The following EPHA5 variants were observed in gnomAD, a reference collection of about 807,000 sequenced individuals.
EPHA5 encodes the protein EPH receptor A5.
A neutral mutation model predicts 105.0 loss-of-function variants in EPHA5; 60 were observed. The ratio of observed to expected loss-of-function variants is 0.57; its 90% CI spans 0.46 to 0.71. EPHA5 has a LOEUF of 0.71. EPHA5 is among the 30% of genes least tolerant of loss of function. The pLI, the probability that EPHA5 is intolerant of heterozygous loss-of-function variation, is 0.00. For synonymous variants in EPHA5, 513 were observed against 449.1 expected, an observed-to-expected ratio of 1.14 and a Z score of -1.80; for missense variants, 1,218 against 1,274.7, an observed-to-expected ratio of 0.96 and a Z score of 0.68.
At chr4:65,552,565 C>T (rs1374506281) in intron 3 of EPHA5, among the ~76,000 whole-genome samples, 1 of 152,074 alleles carries the variant, frequency 6.6e-6, no homozygotes, top group African/African-American at 2.4e-5. Flanking sequence ...GGTGAGATGT[C>T]TTAGGCAGTG....
intron 8 of EPHA5, among the ~76,000 whole-genome samples, chr4:65,373,001 G>A (rs1718640795): frequency 6.6e-6 from 1 of 151,836 alleles, no homozygotes; most frequent in Non-Finnish European, 1.5e-5. Context: ...GTAATTGACA[G>A]AATTTTGATA....
chr4:65,581,409 A>T (rs911560064), intron 3 of EPHA5, among the ~76,000 whole-genome samples: 2 of 151,748 alleles, frequency 1.3e-5, no homozygotes, highest in East Asian at 3.9e-4. Context: ...TTATTTTTAC[A>T]TATCCTACAA....
chr4:65,487,078 C>A (rs1357936430), intron 5 of EPHA5, among the ~76,000 whole-genome samples: 1 of 152,168 alleles, frequency 6.6e-6, no homozygotes, highest in Non-Finnish European at 1.5e-5. Context: ...CCTCCTGGGG[C>A]CTCACAAGAA....
chr4:65,347,706 A>C (rs543143218), intron 14 of EPHA5, among the ~76,000 whole-genome samples: 1 of 152,292 alleles, frequency 6.6e-6, no homozygotes, highest in South Asian at 2.1e-4. Flanking sequence ...TGCCTTTATC[A>C]AATGCAAATC....
intron 3 of EPHA5, among the ~76,000 whole-genome samples, chr4:65,520,697 A>T (rs1267007617): frequency 4.6e-5 from 7 of 152,112 alleles, no homozygotes; most frequent in African/African-American, 1.7e-4. Context: ...AAACAACCCC[A>T]TCAAAAATTG....
At chr4:65,556,512 G>A (rs1738456858) in intron 3 of EPHA5, among the ~76,000 whole-genome samples, 2 of 152,122 alleles carry the variant, frequency 1.3e-5, no homozygotes, top group Non-Finnish European at 2.9e-5. Context: ...AAAGCATTAA[G>A]TTACGTTTCT....
intron 3 of EPHA5, among the ~76,000 whole-genome samples, chr4:65,519,060 T>A (rs1344912689): frequency 6.6e-6 from 1 of 151,852 alleles, no homozygotes; most frequent in East Asian, 1.9e-4. Flanking sequence ...GATGCAAAAA[T>A]CCTCAATAAA....
intron 2 of EPHA5, among the ~76,000 whole-genome samples, chr4:65,628,397 A>C (rs1746337100): frequency 6.6e-6 from 1 of 152,152 alleles, no homozygotes; most frequent in Non-Finnish European, 1.5e-5. Flanking sequence ...TTAGTCAGAA[A>C]GAACTTTCAA....
At chr4:65,416,061 G>A (rs191292660) in intron 6 of EPHA5, among the ~76,000 whole-genome samples, 43 of 151,902 alleles carry the variant, frequency 2.8e-4, no homozygotes, top group African/African-American at 9.9e-4. Context: ...TTCCAGTCTG[G>A]CTATGATTGC....
chr4:65,463,188 G>C (rs1298717225), intron 5 of EPHA5, among the ~76,000 whole-genome samples: 1 of 152,090 alleles, frequency 6.6e-6, no homozygotes, highest in African/African-American at 2.4e-5. Flanking sequence ...CCTGTGTGAT[G>C]CAAGTTTGTT....
intron 5 of EPHA5, among the ~76,000 whole-genome samples, chr4:65,488,811 C>G (rs1253624057): frequency 6.6e-6 from 1 of 151,578 alleles, no homozygotes; most frequent in East Asian, 1.9e-4. Flanking sequence ...TTCACACAAT[C>G]TGGGCTAATT....
intron 3 of EPHA5, among the ~76,000 whole-genome samples, chr4:65,554,101 T>C (rs1578408959): frequency 6.6e-6 from 1 of 151,662 alleles, no homozygotes; most frequent in East Asian, 1.9e-4. Context: ...TACTATTATT[T>C]TCCCCTTGTG....
intron 5 of EPHA5, among the ~76,000 whole-genome samples, chr4:65,449,094 T>A (rs1351587529): frequency 6.6e-6 from 1 of 152,008 alleles, no homozygotes; most frequent in Non-Finnish European, 1.5e-5. Context: ...AAGAAAAAAA[T>A]TCATTGGGTT....
chr4:65,485,564 G>T (rs1423902989), intron 5 of EPHA5, among the ~76,000 whole-genome samples: 1 of 152,082 alleles, frequency 6.6e-6, no homozygotes, highest in Non-Finnish European at 1.5e-5. Context: ...GCTCCATAAT[G>T]ATATAATGTT....
intron 5 of EPHA5, among the ~76,000 whole-genome samples, chr4:65,477,702 C>A (rs951165680): frequency 6.6e-6 from 1 of 152,054 alleles, no homozygotes; most frequent in Non-Finnish European, 1.5e-5. Flanking sequence ...AGTGAGCCAC[C>A]GTGCCCAGCC....
At chr4:65,394,140 C>A (rs1192911074) in intron 8 of EPHA5, among the ~76,000 whole-genome samples, 1 of 152,162 alleles carries the variant, frequency 6.6e-6, no homozygotes, top group African/African-American at 2.4e-5. Flanking sequence ...ATACCTGTCC[C>A]ATGAAGGGAG....
At chr4:65,511,797 C>T (rs567574041) in intron 3 of EPHA5, among the ~76,000 whole-genome samples, 158 of 152,216 alleles carry the variant, frequency 1.0e-3, no homozygotes, top group Middle Eastern at 0.01. Flanking sequence ...TTAAGCAATG[C>T]CTGCTAGGCT....
At position 65,322,964 on chromosome 4, in the gene EPHA5, C is replaced by T. The variant is rs975423447; in HGVS notation, c.*1150G>A. 2 of 228,834 alleles carry T rather than the reference C, an allele frequency of 8.7e-6. No homozygotes were observed. The highest frequency in any genetic ancestry group is 1.7e-5 in the Non-Finnish European group (2 of 115,294). 14.2% of individuals were successfully genotyped at this position (228,834 alleles called of 1,614,324 possible). ...TAAGGGTGATGCTTCGTGCTATGTG[C>T]CTGGATTTAACAACATTAACAGAAG... On this transcript the variant is annotated 3_prime_UTR_variant, in exon 17 of 17. Transcript: ENST00000613740.
chr4:65,619,215 C>T (rs1205310386), intron 2 of EPHA5, among the ~76,000 whole-genome samples: 1 of 152,086 alleles, frequency 6.6e-6, no homozygotes, highest in Non-Finnish European at 1.5e-5. Flanking sequence ...TTATTGATAA[C>T]ACATTACTTC....
Sources: allele counts gnomAD v4.1 joint callset (sites outside exome capture counted in the v4.1 genomes callset), GRCh38; gene constraint gnomAD v4.1.1; transcripts MANE v1.5; gene names NCBI Gene and HGNC (gene_info 2026-07-23, HGNC 2026-07-21).